Variants in ICAM3 observed in about 807,000 individuals in gnomAD.
ICAM3 encodes the protein ICAM-3.
ICAM3 carries 54 observed loss-of-function variants against 43.6 expected under a neutral mutation model. The observed-to-expected ratio is 1.24, with a 90% CI of 0.99 to 1.55. The LOEUF is 1.55. Ranked by LOEUF, ICAM3 falls within the 40% of genes most tolerant of loss-of-function variation. The probability of loss-of-function intolerance (pLI) is 0.00; values close to 1 mark genes in which losing one functional copy is unlikely to be tolerated. For missense variants in ICAM3, 715 were observed against 717.9 expected (o/e 1.00, Z 0.05); for synonymous variants, 306 against 312.6 (o/e 0.98, Z 0.22).
Position 10,334,107 on chromosome 19 carries a change from C to T in ICAM3, c.1442-48G>A. On this transcript the variant is annotated intron_variant, in intron 6 of 6. Transcript: ENST00000160262. This position sits in a 1 kb window ranked among gnomAD's most constrained non-coding sequence, Gnocchi z 5.5. ...CAATATGCGTCCCTTCTGTCTCCAA[C>T]CCCCCCGCCCCCCGGCTTACCGGTC... 1 of 1,575,250 alleles carries T rather than the reference C, an allele frequency of 6.3e-7. No homozygotes were observed. The highest frequency in any genetic ancestry group is 8.7e-7 in the Non-Finnish European group (1 of 1,146,360).
rs1323065064 is a variant in ICAM3 at position 10,339,527 on chromosome 19, G to T, written c.76+12C>A. 15 of 1,613,032 alleles carry T rather than the reference G, an allele frequency of 9.3e-6. No homozygotes were observed. In the East Asian group the frequency reaches 2.9e-4, roughly 31 times the overall value. On this transcript the variant is annotated intron_variant, in intron 1 of 6. Transcript: ENST00000160262. The stretch of plus-strand genomic sequence containing the variant: ...AGCCCTCTCCAGCCCTCCCCGGCTT[G>T]ACTGGTCTCACCTGGGGTCAGCAGA...
In ICAM3 at chr19:10,334,544, G is replaced by T. The variant is rs1180329807; in HGVS notation, c.1176C>A (p.Val392=). 6.2e-7 allele frequency: 1 copy of T among 1,610,818 alleles called. No homozygotes were observed. The highest frequency in any genetic ancestry group is 2.2e-5 in the East Asian group (1 of 44,856). Residue 392 remains valine, a synonymous_variant, in exon 5 of 7, where the codon GTC becomes GTA. Transcript: ENST00000160262. This position sits in a 1 kb window ranked among gnomAD's most constrained non-coding sequence, Gnocchi z 5.5. ...CCGACTCACACAGGACTCGCAGCTGGACGCTACTGTTCCTGTGCAAGAACT... is the reference window on the plus strand; with the variant it reads ...CCGACTCACACAGGACTCGCAGCTGTACGCTACTGTTCCTGTGCAAGAACT... ...DGEFLHRNSS[V]QLRVLYGPKI...
At chr19:10,339,001 G>C in intron 1 of ICAM3, 53 bp from the exon 2 acceptor site, 3 of 1,581,496 alleles carry the variant, frequency 1.9e-6, no homozygotes, top group Non-Finnish European at 2.6e-6. Context: ...CCCAACCCAC[G>C]CATCAACAGG....
intron 1 of ICAM3, 180 bp from the exon 2 acceptor site, chr19:10,339,128 G>A: frequency 1.5e-6 from 1 of 668,968 alleles, no homozygotes; most frequent in Non-Finnish European, 2.5e-6. Context: ...GAGGCCAGAA[G>A]AGGCTCTGAT....
rs2040602100 is a variant in ICAM3 at position 10,336,795 on chromosome 19, ACT to A, written c.344-821_344-820del. 2.7e-5 allele frequency among the ~76,000 whole-genome samples: 3 copies of A among 109,948 alleles called. No individual in the cohort carries two copies. The South Asian group carries it at 9.9e-4, about 36-fold the overall frequency. The allele number at this position is 109,948 out of a possible 152,430, so 72.1% of individuals were successfully genotyped here. On this transcript the variant is annotated intron_variant, in intron 2 of 6. Transcript: ENST00000160262. Reference sequence around the variant, plus strand: ...CACTCCAGCCTGGCGACAGAGAGAGACTCTATGTCAAAAAAAAAAAAAAAAAA... The same window carrying A: ...CACTCCAGCCTGGCGACAGAGAGAGACTATGTCAAAAAAAAAAAAAAAAAA...
rs1348631392 is a variant in ICAM3, at chr19:10,335,825, G to A, written c.495C>T (p.Pro165=). The change falls in exon 3 of 7, where the codon CCC becomes CCT. Residue 165 remains proline, a synonymous_variant. Coordinates refer to ENST00000160262, the MANE Select transcript of ICAM3 (RefSeq NM_002162.5). ...TGACCTCCGCTGGCTCCTCCACTGC[G>A]GGCTGCCGGCTCAGCTCCTCCTCCC... ...LRWEEELSRQ[P]AVEEPAEVTA... is the part of the protein sequence containing the mutation. The A allele has an allele frequency of 1.2e-6, 2 of 1,612,280 alleles. No homozygotes were observed. Among genetic ancestry groups the A allele is most frequent in the Admixed American group, 3.3e-5 (2 of 59,926 alleles).
rs758037816 is a variant in ICAM3, at chr19:10,334,756, T to C, written c.964A>G (p.Ser322Gly). The C allele has an allele frequency of 3.1e-6, 5 of 1,606,688 alleles. No individual in the cohort carries two copies. Among genetic ancestry groups the C allele is most frequent in the Non-Finnish European group, 4.3e-6 (5 of 1,175,418 alleles). ...FSFLGPIVNL[S>G]EPTAHEGSTV... ...GACCCCTCATGGGCGGTGGGCTCGC[T>C]GAGGTTCACAATGGGTCCTAGGAAG... Residue 322 changes from serine to glycine, a missense_variant, in exon 5 of 7, where the codon AGC becomes GGC. By Grantham distance (56) the Ser-to-Gly change is moderately conservative. Transcript: ENST00000160262. This position sits in a 1 kb window ranked among gnomAD's most constrained non-coding sequence, Gnocchi z 5.5.
intron 2 of ICAM3, among the ~76,000 whole-genome samples, chr19:10,338,444 G>A (rs2040620755): frequency 6.6e-6 from 1 of 150,828 alleles, no homozygotes; most frequent in Non-Finnish European, 1.5e-5. Flanking sequence ...CAAGTTAATT[G>A]ATTTCACAAC....
Position 10,335,688 on chromosome 19 carries a change from C to A in ICAM3, c.632G>T (p.Arg211Leu), listed in dbSNP as rs746910528. The change falls in exon 3 of 7, where the codon CGC (arginine) becomes CTC (leucine). Residue 211 changes from arginine (R) to leucine (L), a missense_variant. Transcript: ENST00000160262. ...TCTCTCACCAAAGGTTCGGAGCTGG[C>A]GGGGGGCTGAGGTGTTCACGAACAG... ...LGLFVNTSAP[R>L]QLRTFVLPVT... is the part of the protein sequence containing the mutation. The A allele has an allele frequency of 1.2e-6, 2 of 1,604,884 alleles. No individual in the cohort carries two copies. Among genetic ancestry groups the A allele is most frequent in the South Asian group, 2.2e-5 (2 of 89,762 alleles).
Position 10,335,209 on chromosome 19 carries a change from G to T in ICAM3, c.794C>A (p.Ala265Glu), listed in dbSNP as rs368579277. ...YLALGDQMLN[A>E]TVMNHGDTLT... ...CGTGTCCCCGTGGTTCATGACTGTC[G>T]CATTCAGCATCTGGTCCCCCAGCGC... Residue 265 changes from alanine to glutamate, a missense_variant, in exon 4 of 7, where the codon GCG becomes GAG. Physicochemically the swap from Ala to Glu is moderately radical, Grantham distance 107. Coordinates refer to ENST00000160262, the MANE Select transcript of ICAM3 (RefSeq NM_002162.5). The T allele has an allele frequency of 4.3e-6, 7 of 1,613,682 alleles. No individual in the cohort carries two copies. Among genetic ancestry groups the T allele is most frequent in the African/African-American group, 2.7e-5 (2 of 74,902 alleles).
intron 1 of ICAM3, 161 bp downstream of exon 1, chr19:10,339,378 A>C (rs2040632452): frequency 1.6e-6 from 1 of 636,314 alleles, no homozygotes; most frequent in Admixed American, 2.8e-5. Context: ...TGACCACCTG[A>C]AGGCTGAACT....
rs1207775823 is a variant in ICAM3, at chr19:10,334,518, A to G, written c.1192+10T>C. ...GGTGGAGGGATTAAAGGTCAGGGTG[A>G]CCGACTCACACAGGACTCGCAGCTG... On this transcript the variant is annotated intron_variant, in intron 5 of 6. Coordinates refer to ENST00000160262, the MANE Select transcript of ICAM3 (RefSeq NM_002162.5). This position sits in a 1 kb window ranked among gnomAD's most constrained non-coding sequence, Gnocchi z 5.5. 1 of 1,603,374 alleles carries G rather than the reference A, an allele frequency of 6.2e-7. No individual in the cohort carries two copies. The highest frequency in any genetic ancestry group is 8.5e-7 in the Non-Finnish European group (1 of 1,172,768).
chr19:10,337,395 G>A (rs1171562194), intron 2 of ICAM3, among the ~76,000 whole-genome samples: 1 of 147,620 alleles, frequency 6.8e-6, no homozygotes, highest in African/African-American at 2.5e-5. Context: ...CTAGCCTGGG[G>A]GACAGAGTGA....
chr19:10,336,394 A>G, intron 2 of ICAM3: 1 of 183,578 alleles, frequency 5.4e-6, no homozygotes, highest in Admixed American at 5.3e-5. Context: ...AATCAGGTTC[A>G]GACACTCAGG....
Position 10,333,857 on chromosome 19 carries a change from T to C in ICAM3, c.1644A>G (p.Ter548TrpextTer21), listed in dbSNP as rs767738423. 1 of 1,613,212 alleles carries C rather than the reference T, an allele frequency of 6.2e-7. No individual in the cohort carries two copies. Among genetic ancestry groups the C allele is most frequent in the South Asian group, 1.1e-5 (1 of 91,076 alleles). The change falls in exon 7 of 7, where the codon TGA becomes TGG. Residue 548 changes from the stop codon to tryptophan (W), a stop_lost. Transcript: ENST00000160262. This position sits in a 1 kb window ranked among gnomAD's most constrained non-coding sequence, Gnocchi z 4.2. ...AMGEEPSRAE* is the reference protein window; with the variant it reads ...AMGEEPSRAEW ...CCAACTTTGATCCCGGATCCCAGCG[T>C]CACTCAGCTCTGGACGGTTCTTCCC...
Position 10,334,111 on chromosome 19 carries a change from C to G in ICAM3, c.1441+49G>C, listed in dbSNP as rs750748908. On this transcript the variant is annotated intron_variant, in intron 6 of 6. Coordinates refer to ENST00000160262, the MANE Select transcript of ICAM3 (RefSeq NM_002162.5). This position sits in a 1 kb window ranked among gnomAD's most constrained non-coding sequence, Gnocchi z 5.5. Reference sequence around the variant, plus strand: ...ATGCGTCCCTTCTGTCTCCAACCCCCCCGCCCCCCGGCTTACCGGTCCAGA... The same window carrying G: ...ATGCGTCCCTTCTGTCTCCAACCCCGCCGCCCCCCGGCTTACCGGTCCAGA... The G allele has an allele frequency of 1.9e-6, 3 of 1,608,460 alleles. No individual in the cohort carries two copies. Among genetic ancestry groups the G allele is most frequent in the East Asian group, 2.2e-5 (1 of 44,772 alleles).
rs201762047 is a variant in ICAM3, at chr19:10,334,666, C to T, written c.1054G>A (p.Ala352Thr). 1.3e-5 allele frequency: 21 copies of T among 1,613,204 alleles called. No individual in the cohort carries two copies. Among genetic ancestry groups the T allele is most frequent in the Non-Finnish European group, 1.7e-5 (20 of 1,180,034 alleles). The change falls in exon 5 of 7, where the codon GCG (alanine) becomes ACG (threonine). Residue 352 changes from alanine to threonine, a missense_variant. Ala to Thr is a moderately conservative substitution (Grantham distance 58). Coordinates refer to ENST00000160262, the MANE Select transcript of ICAM3 (RefSeq NM_002162.5). The surrounding 1 kb of genome is among the most constrained non-coding windows in gnomAD (Gnocchi z 5.5). ...VQVTLDGVPA[A>T]APGQPAQLQL... ...AGTTGAGCTGGCTGCCCCGGGGCCGCGGCCGGAACTCCGTCCAGCGTGACC... is the reference window on the plus strand; with the variant it reads ...AGTTGAGCTGGCTGCCCCGGGGCCGTGGCCGGAACTCCGTCCAGCGTGACC...
chr19:10,334,720 C>T lies in ICAM3; in HGVS notation c.1000G>A (p.Val334Met), dbSNP rs573451980. Residue 334 changes from valine to methionine, a missense_variant, in exon 5 of 7, where the codon GTG becomes ATG. Physicochemically the swap from Val to Met is conservative, Grantham distance 21. Transcript: ENST00000160262. The surrounding 1 kb of genome is among the most constrained non-coding windows in gnomAD (Gnocchi z 5.5). ...ACTCGAGCCCCAGCCATGCAACTCA[C>T]GGTCACTGTGGACCCCTCATGGGCG... ...PTAHEGSTVT[V>M]SCMAGARVQV... The T allele has an allele frequency of 3.7e-6, 6 of 1,613,192 alleles. No homozygotes were observed. The South Asian group carries it at 4.4e-5, about 12-fold the overall frequency.
chr19:10,338,938 C>A lies in ICAM3; in HGVS notation c.87G>T (p.Gly29=). The A allele has an allele frequency of 1.2e-6, 2 of 1,613,810 alleles. No individual in the cohort carries two copies. The highest frequency in any genetic ancestry group is 1.7e-6 in the Non-Finnish European group (2 of 1,179,940). The change falls in exon 2 of 7, where the codon GGG becomes GGT. Residue 29 remains glycine (G), a synonymous_variant. Coordinates refer to ENST00000160262, the MANE Select transcript of ICAM3 (RefSeq NM_002162.5). ...GCTCCACCCGCAAAAGGAACTCCTG[C>A]CCCTGGACACCTTCAGGAACATGAA... ...VCCLLTPGVQ[G]QEFLLRVEPQ...
Sources: allele counts gnomAD v4.1 joint callset (sites outside exome capture counted in the v4.1 genomes callset), GRCh38; gene constraint gnomAD v4.1.1; non-coding constraint Gnocchi (gnomAD v3.1); transcripts MANE v1.5; gene names NCBI Gene and HGNC (gene_info 2026-07-23, HGNC 2026-07-21).